CTBP2: variants seen among roughly 807,000 people sequenced by gnomAD.
The protein encoded by CTBP2 is C-terminal binding protein 2.
CTBP2 carries 30 observed loss-of-function variants against 80.3 expected under a neutral mutation model. That is an observed-to-expected ratio of 0.37 (90% CI 0.28 to 0.51). CTBP2 has a LOEUF of 0.51. Ranked by LOEUF, CTBP2 falls within the 20% of genes least tolerant of loss-of-function variation. The pLI, the probability that CTBP2 is intolerant of heterozygous loss-of-function variation, is 0.93. For missense variants in CTBP2, 1,212 were observed against 1,375.3 expected (o/e 0.88, Z 1.88); for synonymous variants, 594 against 587.4 (o/e 1.01, Z -0.16).
At chr10:125,028,103 TAGGAGC>T, upstream of CTBP2, 3 of 248,920 alleles carry the variant, frequency 1.2e-5, no homozygotes, top group Non-Finnish European at 2.3e-5. Context: ...GCATGCGGAT[TAGGAGC>T]TAAATAAAAC....
rs1008697306 is a variant in CTBP2 at position 125,061,580 on chromosome 10, C to T, written c.-101-22425G>A. 1.3e-5 allele frequency among the ~76,000 whole-genome samples: 2 copies of T among 152,200 alleles called. 1 individual carries two copies. The highest frequency in any genetic ancestry group is 4.1e-4 in the South Asian group (2 of 4,834). ...TTCCAGGAGTGGCCTGGGACTCAGA[C>T]ACCAGGTGATCTGGGTATGGGAGGA... On this transcript the variant is annotated intron_variant, in intron 2 of 10. Coordinates refer to the CTBP2 transcript ENST00000337195.
In CTBP2 at chr10:125,076,524, A is replaced by G. The variant is rs142079426; in HGVS notation, c.-102+34466T>C. Among the ~76,000 whole-genome samples the G allele has an allele frequency of 1.9e-3, 284 of 152,148 alleles. 4 individuals are homozygous for G. The East Asian group carries it at 0.043, about 23-fold the overall frequency. ...ACTCGGCCACCTCCCTTCTTTCATC[A>G]CAGCCCCACACTCCTTCCAGCTCCT... is the stretch of plus-strand genomic sequence containing the variant. On this transcript the variant is annotated intron_variant, in intron 2 of 10. Transcript: ENST00000337195.
In CTBP2 at chr10:124,988,535, CT is replaced by C. The variant is rs956130650; in HGVS notation, c.*982del. ...TATACAAAGGCTCAAAATAGGCCAT[CT>C]TTTTAAACAAAAAGGCAATGATTCA... On this transcript the variant is annotated 3_prime_UTR_variant, in exon 9 of 9. Coordinates refer to ENST00000309035, the MANE Select transcript of CTBP2 (RefSeq NM_022802.3). 1 of 152,562 alleles carries C rather than the reference CT, an allele frequency of 6.6e-6. No individual in the cohort carries two copies. Among genetic ancestry groups the C allele is most frequent in the Non-Finnish European group, 1.5e-5 (1 of 68,030 alleles). The allele number at this position is 152,562 out of a possible 1,614,324, so 9.5% of individuals were successfully genotyped here.
At position 125,027,218 on chromosome 10, in the gene CTBP2, C is replaced by T. The variant is rs757952235; in HGVS notation, c.542G>A (p.Ser181Asn). 7.8e-5 allele frequency: 126 copies of T among 1,613,042 alleles called. No homozygotes were observed. The highest frequency in any genetic ancestry group is 1.1e-4 in the Non-Finnish European group (124 of 1,179,674). The stretch of plus-strand genomic sequence containing the variant: ...ATACCGCCCGGGAGATGCAGCCCTG[C>T]TCTGTGTCTGCCGCCCCTGAGGGAT... Residue 181 changes from serine (S) to asparagine (N), a missense_variant, in exon 1 of 9, where the codon AGC becomes AAC. Around this residue, in one of 3 missense-constraint regions of CTBP2, gnomAD observed 848 missense variants for 782.3 expected, o/e 1.08. Transcript: ENST00000309035.
Position 125,027,790 on chromosome 10 carries a change from G to A in CTBP2, c.-31C>T. On this transcript the variant is annotated 5_prime_UTR_variant, in exon 1 of 9. Coordinates refer to ENST00000309035, the MANE Select transcript of CTBP2 (RefSeq NM_022802.3). ...AAAAAATGACTGCGGATGAGGCAGA[G>A]GAGAAGCTTTTCTTTATAAATCTTC... is the stretch of plus-strand genomic sequence containing the variant. 6.7e-7 allele frequency: 1 copy of A among 1,493,132 alleles called. No individual in the cohort carries two copies. The highest frequency in any genetic ancestry group is 8.9e-7 in the Non-Finnish European group (1 of 1,123,106). The allele number at this position is 1,493,132 out of a possible 1,614,324, so 92.5% of individuals were successfully genotyped here.
chr10:125,147,409 A>G (rs552957504), intron 1 of CTBP2, among the ~76,000 whole-genome samples: 3 of 152,318 alleles, frequency 2.0e-5, no homozygotes, highest in East Asian at 1.9e-4. Context: ...TAAATATTTT[A>G]CTGAGCGTTT....
chr10:125,012,733 G>C (rs1956069785), intron 1 of CTBP2, among the ~76,000 whole-genome samples: 1 of 152,112 alleles, frequency 6.6e-6, no homozygotes, highest in African/African-American at 2.4e-5. Context: ...TCCGCCTCCT[G>C]GGCTCACGTG....
rs1050239052 is a variant in CTBP2, at chr10:125,066,397, G to T, written c.-101-27242C>A. ...TCCCGTGCCTTCTAAGCAGTCAGGT[G>T]CATGCACCATGCTAGGTGAGTGCAG... On this transcript the variant is annotated intron_variant, in intron 2 of 10. Transcript: ENST00000337195. The surrounding 1 kb of genome is among the most constrained non-coding windows in gnomAD (Gnocchi z 4.1). Among the ~76,000 whole-genome samples, 1 of 152,174 alleles carries T rather than the reference G, an allele frequency of 6.6e-6. No individual in the cohort carries two copies. The highest frequency in any genetic ancestry group is 1.5e-5 in the Non-Finnish European group (1 of 68,028).
intron 2 of CTBP2, among the ~76,000 whole-genome samples, chr10:125,042,153 C>CCA (rs1960021358): frequency 6.6e-6 from 1 of 152,116 alleles, no homozygotes; most frequent in Non-Finnish European, 1.5e-5. Flanking sequence ...TCCTCTCCCC[C>CCA]GATATCTCTT....
chr10:125,149,455 G>T (rs375367443), intron 1 of CTBP2, among the ~76,000 whole-genome samples: 4 of 152,272 alleles, frequency 2.6e-5, no homozygotes, highest in African/African-American at 9.6e-5. Context: ...AGGTGAGCCA[G>T]GACACCGGGA....
chr10:125,161,665 A>G (rs1367916670), upstream of CTBP2, among the ~76,000 whole-genome samples: 1 of 151,842 alleles, frequency 6.6e-6, no homozygotes, highest in Non-Finnish European at 1.5e-5. Flanking sequence ...CTGTGCTGCA[A>G]GTTGCAGCAG....
At chr10:125,129,648 A>G (rs1855827227) in intron 1 of CTBP2, among the ~76,000 whole-genome samples, 1 of 152,158 alleles carries the variant, frequency 6.6e-6, no homozygotes, top group African/African-American at 2.4e-5. Flanking sequence ...AGAGACTGAA[A>G]ACAATACCAA....
chr10:125,146,991 C>A (rs1858899902), intron 1 of CTBP2, among the ~76,000 whole-genome samples: 1 of 152,166 alleles, frequency 6.6e-6, no homozygotes, highest in South Asian at 2.1e-4. Context: ...TGCACCTGGT[C>A]CAGTTACCAC....
intron 1 of CTBP2, among the ~76,000 whole-genome samples, chr10:125,008,415 C>T (rs141045318): frequency 0.031 from 4,747 of 152,332 alleles, 104 homozygotes; most frequent in Admixed American, 0.07. Context: ...GAAGTCCCTG[C>T]AGGTTGCAGT....
In CTBP2 at chr10:124,992,178, T is replaced by C. The variant is rs1163199447; in HGVS notation, c.2777+517A>G. Among the ~76,000 whole-genome samples, 4 of 151,536 alleles carry C rather than the reference T, an allele frequency of 2.6e-5. No homozygotes were observed. The East Asian group carries it at 7.8e-4, about 29-fold the overall frequency. Reference sequence around the variant, plus strand: ...CACAGGCCTTTGCACTTGAACATCTTATCTACGTATACCTTTCTCTTTGAG... The same window carrying C: ...CACAGGCCTTTGCACTTGAACATCTCATCTACGTATACCTTTCTCTTTGAG... On this transcript the variant is annotated intron_variant, in intron 8 of 8. Coordinates refer to ENST00000309035, the MANE Select transcript of CTBP2 (RefSeq NM_022802.3).
intron 1 of CTBP2, among the ~76,000 whole-genome samples, chr10:125,123,607 A>G (rs954672648): frequency 1.3e-5 from 2 of 152,208 alleles, no homozygotes; most frequent in Admixed American, 1.3e-4. Flanking sequence ...CAGCGCTTAC[A>G]AGGAGGGGCC....
chr10:125,110,966 T>C (rs1343600788), intron 2 of CTBP2, 24 bp downstream of exon 2: 1 of 152,644 alleles, frequency 6.6e-6, no homozygotes, highest in African/African-American at 2.4e-5. Flanking sequence ...AACTTTTACC[T>C]GGAGATATTT....
intron 1 of CTBP2, among the ~76,000 whole-genome samples, chr10:125,127,345 C>T (rs1282918563): frequency 6.6e-6 from 1 of 152,180 alleles, no homozygotes; most frequent in Admixed American, 6.5e-5. Context: ...AACAGGCCTG[C>T]CTCAACCACT....
chr10:125,028,124 A>C, upstream of CTBP2: 5 of 205,162 alleles, frequency 2.4e-5, no homozygotes, highest in South Asian at 3.0e-4. Context: ...TAAAACCCTA[A>C]AGCTTTGTTC....
Sources: allele counts gnomAD v4.1 joint callset (sites outside exome capture counted in the v4.1 genomes callset), GRCh38; gene constraint gnomAD v4.1.1; regional missense constraint gnomAD v4.1.1; non-coding constraint Gnocchi (gnomAD v3.1); transcripts MANE v1.5; gene names NCBI Gene and HGNC (gene_info 2026-07-23, HGNC 2026-07-21).